FRMD3: variants seen among roughly 807,000 people sequenced by gnomAD.
FRMD3 encodes FERM domain-containing protein 3.
FRMD3 carries 33 observed loss-of-function variants against 70.2 expected under a neutral mutation model. The observed-to-expected ratio is 0.47, with a 90% CI of 0.36 to 0.63. FRMD3 has a LOEUF of 0.63. Among genes scored for constraint, FRMD3 ranks in the 20% least tolerant of loss-of-function variants. The pLI, the probability that FRMD3 is intolerant of heterozygous loss-of-function variation, is 0.00. For synonymous variants in FRMD3, 279 were observed against 255.9 expected, an observed-to-expected ratio of 1.09 and a Z score of -0.86; for missense variants, 632 against 711.4, an observed-to-expected ratio of 0.89 and a Z score of 1.27.
Position 83,412,634 on chromosome 9 carries a change from C to T in FRMD3, c.148-22926G>A, listed in dbSNP as rs115663435. 4.0e-3 allele frequency among the ~76,000 whole-genome samples: 603 copies of T among 152,314 alleles called. 4 individuals are homozygous for T. Among genetic ancestry groups the T allele is most frequent in the African/African-American group, 0.014 (572 of 41,566 alleles). ...GTGATACGGCTTTTGCCGCAACCAA[C>T]CAGAGGAGTAGCCTTTGTGAGCAGC... On this transcript the variant is annotated intron_variant, in intron 1 of 13. Transcript: ENST00000304195.
At chr9:83,393,752 G>A (rs530952251) in intron 1 of FRMD3, among the ~76,000 whole-genome samples, 4 of 152,116 alleles carry the variant, frequency 2.6e-5, no homozygotes, top group African/African-American at 9.6e-5. Context: ...TGGAGCTCAG[G>A]TAGTACTGCG....
chr9:83,264,483 C>G (rs11795096), intron 13 of FRMD3, among the ~76,000 whole-genome samples: 75,851 of 152,088 alleles, frequency 0.5, 21,054 homozygotes, highest in South Asian at 0.76. Flanking sequence ...TGTCTCAATG[C>G]AGGCTCATCA....
chr9:83,358,733 T>G (rs1165261840), intron 3 of FRMD3, among the ~76,000 whole-genome samples: 1 of 151,780 alleles, frequency 6.6e-6, no homozygotes, highest in East Asian at 1.9e-4. Context: ...GTGAAAGGGA[T>G]TGAGTTCTTG....
intron 3 of FRMD3, among the ~76,000 whole-genome samples, chr9:83,362,398 T>C (rs1824620869): frequency 6.6e-6 from 1 of 152,204 alleles, no homozygotes; most frequent in Non-Finnish European, 1.5e-5. Flanking sequence ...TCACAACTTC[T>C]GAGCACCACT....
intron 3 of FRMD3, among the ~76,000 whole-genome samples, chr9:83,368,872 T>C (rs907558890): frequency 2.6e-5 from 4 of 152,162 alleles, no homozygotes; most frequent in Non-Finnish European, 5.9e-5. Context: ...AATTTTTTTT[T>C]TAAACAGAGT....
intron 1 of FRMD3, among the ~76,000 whole-genome samples, chr9:83,452,085 A>C (rs1158096673): frequency 6.6e-6 from 1 of 152,196 alleles, no homozygotes; most frequent in Non-Finnish European, 1.5e-5. Flanking sequence ...CTGGGCTCTT[A>C]GAACTTTCCA....
intron 3 of FRMD3, among the ~76,000 whole-genome samples, chr9:83,358,473 A>G (rs1824476484): frequency 6.6e-6 from 1 of 151,998 alleles, no homozygotes; most frequent in African/African-American, 2.4e-5. Context: ...GTGAAGAATG[A>G]TGGTGGTATT....
At chr9:83,349,983 T>C (rs1462356881) in intron 3 of FRMD3, among the ~76,000 whole-genome samples, 2 of 152,164 alleles carry the variant, frequency 1.3e-5, no homozygotes, top group African/African-American at 2.4e-5. Context: ...AAATGTAGAA[T>C]ACCAGCAACC....
the FRMD3 span, among the ~76,000 whole-genome samples, chr9:83,562,969 A>C: frequency 6.7e-6 from 1 of 149,338 alleles, no homozygotes; most frequent in East Asian, 2.0e-4. Flanking sequence ...CTGAAAAGTA[A>C]GTAATAGTGA....
intron 13 of FRMD3, among the ~76,000 whole-genome samples, chr9:83,273,657 C>CTA (rs142451666): frequency 0.2 from 28,511 of 145,752 alleles, 3,361 homozygotes; most frequent in African/African-American, 0.33. Context: ...GTTACTGCTC[C>CTA]TGTTACAAAG....
intron 1 of FRMD3, among the ~76,000 whole-genome samples, chr9:83,419,611 A>G (rs893608190): frequency 2.0e-5 from 3 of 150,010 alleles, no homozygotes; most frequent in African/African-American, 7.4e-5. Flanking sequence ...CGTGTGTGAT[A>G]TGTGTGTGTT....
At chr9:83,471,802 T>C (rs1453989258) in intron 1 of FRMD3, among the ~76,000 whole-genome samples, 2 of 152,196 alleles carry the variant, frequency 1.3e-5, no homozygotes, top group Non-Finnish European at 2.9e-5. Context: ...GCTGCTGTTT[T>C]ACTGACTGAA....
intron 1 of FRMD3, among the ~76,000 whole-genome samples, chr9:83,407,878 T>TCTCTCTCTC (rs1826164799): frequency 1.1e-5 from 1 of 89,046 alleles, no homozygotes; most frequent in African/African-American, 5.2e-5. Context: ...TCTCTCATCT[T>TCTCTCTCTC]TCTCTCTCTC....
intron 13 of FRMD3, among the ~76,000 whole-genome samples, chr9:83,273,609 T>TAA (rs899879607): frequency 1.5e-4 from 11 of 71,318 alleles, no homozygotes; most frequent in South Asian, 5.0e-4. Context: ...CAATAAATAC[T>TAA]AAAAAAAAAA....
At chr9:83,316,148 CTTTTTTTTTTTTCTTTT>C (rs1034637761) in intron 6 of FRMD3, among the ~76,000 whole-genome samples, 1 of 134,502 alleles carries the variant, frequency 7.4e-6, no homozygotes, top group East Asian at 2.1e-4. Flanking sequence ...TCTTTTTTCT[CTTTTTTTTTTTTCTTTT>C]TTTTTTTTTT....
chr9:83,404,372 T>A (rs1362672479), intron 1 of FRMD3, among the ~76,000 whole-genome samples: 4 of 151,852 alleles, frequency 2.6e-5, no homozygotes, highest in African/African-American at 9.7e-5. Context: ...ATCCTCTGCC[T>A]TTTTTTTAAC....
At chr9:83,335,772 C>T in intron 5 of FRMD3, 133 bp from the exon 6 acceptor site, 1 of 675,702 alleles carries the variant, frequency 1.5e-6, no homozygotes, top group Admixed American at 3.1e-5. Flanking sequence ...GTATCTGTAC[C>T]CAGAGAAAGC....
intron 13 of FRMD3, among the ~76,000 whole-genome samples, chr9:83,262,249 A>G (rs1035037465): frequency 6.6e-6 from 1 of 151,870 alleles, no homozygotes; most frequent in Admixed American, 6.6e-5. Flanking sequence ...CTCCCTCCCA[A>G]CTCTTTACCT....
At chr9:83,258,200 G>T (rs1832810531) in intron 13 of FRMD3, among the ~76,000 whole-genome samples, 1 of 152,132 alleles carries the variant, frequency 6.6e-6, no homozygotes, top group South Asian at 2.1e-4. Context: ...CTACTCAGCA[G>T]CTACTGATAG....
Sources: gnomAD v4.1 joint callset for allele counts (sites outside exome capture counted in the v4.1 genomes callset) on GRCh38, gnomAD v4.1.1 for gene constraint, MANE v1.5 for transcripts, NCBI Gene and HGNC (gene_info 2026-07-23, HGNC 2026-07-21) for gene names.